Variants in SKA1 observed in about 807,000 individuals in gnomAD.
SKA1 encodes spindle and kinetochore associated complex subunit 1.
SKA1 carries 20 observed loss-of-function variants against 31.8 expected under a neutral mutation model. The observed-to-expected ratio is 0.63, with a 90% CI of 0.44 to 0.91. The LOEUF (loss-of-function observed/expected upper bound fraction) is 0.91, where lower values mean the gene tolerates loss of function less well. Ranked by LOEUF, SKA1 falls within the 40% of genes least tolerant of loss-of-function variation. The pLI, the probability that SKA1 is intolerant of heterozygous loss-of-function variation, is 0.00. For missense variants in SKA1, 253 were observed against 298.2 expected (o/e 0.85, Z 1.12); for synonymous variants, 88 against 100.5 (o/e 0.88, Z 0.74).
intron 3 of SKA1, 35 bp downstream of exon 3, chr18:50,380,285 A>G: frequency 6.6e-7 from 1 of 1,519,048 alleles, no homozygotes; most frequent in Non-Finnish European, 8.8e-7. Context: ...AGTAAAAAAG[A>G]CAATACATAC....
rs2041299213 is a variant in SKA1 at position 50,385,372 on chromosome 18, T to C, written c.449+19T>C. On this transcript the variant is annotated intron_variant, in intron 5 of 6. Transcript: ENST00000285116. ...TTCCTTCGTAAGTATTTAAGATAAA[T>C]AATGTTCAACCCCTTAATAAACATA... The C allele has an allele frequency of 6.4e-7, 1 of 1,558,224 alleles. No individual in the cohort carries two copies. The highest frequency in any genetic ancestry group is 8.7e-7 in the Non-Finnish European group (1 of 1,148,838).
chr18:50,381,839 C>G (rs573591543), intron 3 of SKA1, among the ~76,000 whole-genome samples: 45 of 151,988 alleles, frequency 3.0e-4, no homozygotes, highest in East Asian at 1.6e-3. Context: ...AGTTCTCCCC[C>G]CTCAGCCTCC....
In SKA1 at chr18:50,392,316, T is replaced by C; in HGVS notation, c.*69T>C. ...AGAGGCTATTTCTATAATTTTCTTA[T>C]ATATAATTTTTTTAACTTTTAATCT... On this transcript the variant is annotated 3_prime_UTR_variant, in exon 7 of 7. Coordinates refer to ENST00000285116, the MANE Select transcript of SKA1 (RefSeq NM_145060.4). 1 of 1,029,368 alleles carries C rather than the reference T, an allele frequency of 9.7e-7. No individual in the cohort carries two copies. Among genetic ancestry groups the C allele is most frequent in the Non-Finnish European group, 1.3e-6 (1 of 783,148 alleles). The allele number at this position is 1,029,368 out of a possible 1,614,324, so 63.8% of individuals were successfully genotyped here. A position where few individuals can be genotyped will look rare whatever the true frequency, so the allele number is the denominator to read the frequency against.
Position 50,391,145 on chromosome 18 carries a change from C to A in SKA1, c.471C>A (p.Thr157=). 1 of 1,560,668 alleles carries A rather than the reference C, an allele frequency of 6.4e-7. No homozygotes were observed. The highest frequency in any genetic ancestry group is 2.0e-5 in the Admixed American group (1 of 50,998). Reference sequence around the variant, plus strand: ...ACAGGTACATGAAATCCCGCTTAACCTATAATCAAATTAATGATGTTATTA... The same window carrying A: ...ACAGGTACATGAAATCCCGCTTAACATATAATCAAATTAATGATGTTATTA... ...GVPSYMKSRL[T]YNQINDVIKE... is the part of the protein sequence containing the mutation. Residue 157 remains threonine, a synonymous_variant, in exon 6 of 7, where the codon ACC becomes ACA. Coordinates refer to ENST00000285116, the MANE Select transcript of SKA1 (RefSeq NM_145060.4).
rs1218625011 is a variant in SKA1 at position 50,375,918 on chromosome 18, G to A, written c.88G>A (p.Gly30Ser). ...IKKTLSLRNC[G>S]QEPTLKTVLN... Reference sequence around the variant, plus strand: ...GAAAACCTTATCATTAAGAAACTGTGGTAAGTAAAACAGATTCCACTGACT... The same window carrying A: ...GAAAACCTTATCATTAAGAAACTGTAGTAAGTAAAACAGATTCCACTGACT... The change falls in exon 2 of 7, where the codon GGC becomes AGC. Residue 30 changes from glycine (G) to serine (S), a missense_variant and splice_region_variant. Gly to Ser is a moderately conservative substitution (Grantham distance 56, BLOSUM62 0). Coordinates refer to ENST00000285116, the MANE Select transcript of SKA1 (RefSeq NM_145060.4). 2 of 1,568,192 alleles carry A rather than the reference G, an allele frequency of 1.3e-6. No homozygotes were observed. The highest frequency in any genetic ancestry group is 1.7e-6 in the Non-Finnish European group (2 of 1,143,582).
At chr18:50,381,393 G>C (rs2041260813) in intron 3 of SKA1, among the ~76,000 whole-genome samples, 1 of 152,164 alleles carries the variant, frequency 6.6e-6, no homozygotes, top group South Asian at 2.1e-4. Flanking sequence ...TTGCCAGCTG[G>C]GTATATTACC....
Position 50,383,483 on chromosome 18 carries a change from G to A in SKA1, c.311+1257G>A, listed in dbSNP as rs72912033. ...CCTTGATATGACATCTAGTTCCAGC[G>A]ATTTAATGGCCTGCTATTTTCTCCT... On this transcript the variant is annotated intron_variant, in intron 4 of 6. Transcript: ENST00000285116. 2.8e-3 allele frequency among the ~76,000 whole-genome samples: 431 copies of A among 152,202 alleles called. 1 individual carries two copies. Among genetic ancestry groups the A allele is most frequent in the South Asian group, 8.3e-3 (40 of 4,816 alleles).
intron 1 of SKA1, 29 bp downstream of exon 1, chr18:50,375,223 C>G (rs2041204228): frequency 6.6e-6 from 1 of 152,554 alleles, no homozygotes; most frequent in African/African-American, 2.4e-5. Context: ...GGGACCCTGC[C>G]TTTGGAAGCG....
intron 5 of SKA1, among the ~76,000 whole-genome samples, chr18:50,385,583 G>A (rs550145923): frequency 2.6e-5 from 4 of 152,288 alleles, no homozygotes; most frequent in East Asian, 1.9e-4. Context: ...GTCCTCTGTT[G>A]GACCTTTTTG....
intron 4 of SKA1, among the ~76,000 whole-genome samples, chr18:50,384,903 AAAAG>A (rs2041294519): frequency 3.0e-5 from 4 of 132,548 alleles, no homozygotes; most frequent in Non-Finnish European, 6.0e-5. Flanking sequence ...AAAAAAAAAA[AAAAG>A]AGAAGCTATT....
At chr18:50,386,601 T>C (rs955510270) in intron 5 of SKA1, among the ~76,000 whole-genome samples, 6 of 152,238 alleles carry the variant, frequency 3.9e-5, no homozygotes, top group Admixed American at 2.6e-4. Flanking sequence ...TTAGGATTTA[T>C]TCTGTGTTGT....
rs778799252 is a variant in SKA1, at chr18:50,375,834, G to A, written c.4G>A (p.Ala2Thr). The change falls in exon 2 of 7, where the codon GCC becomes ACC. Residue 2 changes from alanine to threonine, a missense_variant. Transcript: ENST00000285116. ...TTTTTCTTCAGAGGCTTAAAGGATG[G>A]CCTCGTCAGATCTGGAACAATTATG... M[A>T]SSDLEQLCSH... 18 of 1,600,040 alleles carry A rather than the reference G, an allele frequency of 1.1e-5. No homozygotes were observed. The South Asian group carries it at 1.8e-4, about 16-fold the overall frequency.
intron 5 of SKA1, 76 bp from the exon 6 acceptor site, chr18:50,391,048 T>C: frequency 1.9e-6 from 2 of 1,072,764 alleles, no homozygotes; most frequent in African/African-American, 1.6e-5. Flanking sequence ...AAAGTCATCA[T>C]ACTTATGTTT....
rs1054128707 is a variant in SKA1 at position 50,392,442 on chromosome 18, C to T, written c.*195C>T. 1 of 332,622 alleles carries T rather than the reference C, an allele frequency of 3.0e-6. No individual in the cohort carries two copies. Among genetic ancestry groups the T allele is most frequent in the Non-Finnish European group, 5.2e-6 (1 of 191,688 alleles). 20.6% of individuals were successfully genotyped at this position (332,622 alleles called of 1,614,324 possible). Reference sequence around the variant, plus strand: ...AGAGTGCAGTGGCGCAAACATGGCTCACTGCAGCCTCAACCTCCCAGGCTC... The same window carrying T: ...AGAGTGCAGTGGCGCAAACATGGCTTACTGCAGCCTCAACCTCCCAGGCTC... On this transcript the variant is annotated 3_prime_UTR_variant, in exon 7 of 7. Transcript: ENST00000285116.
At position 50,391,226 on chromosome 18, in the gene SKA1, G is replaced by C. The variant is rs1185478531; in HGVS notation, c.552G>C (p.Lys184Asn). The C allele has an allele frequency of 6.2e-7, 1 of 1,605,786 alleles. No homozygotes were observed. The highest frequency in any genetic ancestry group is 1.3e-5 in the African/African-American group (1 of 74,508). The change falls in exon 6 of 7, where the codon AAG (lysine) becomes AAC (asparagine). Residue 184 changes from lysine to asparagine, a missense_variant. By Grantham distance (94) the Lys-to-Asn change is moderately conservative. Coordinates refer to ENST00000285116, the MANE Select transcript of SKA1 (RefSeq NM_145060.4). ...SKYKILHQPK[K>N]SMNSVTRNLY... Reference sequence around the variant, plus strand: ...ATAAAATCCTACATCAGCCAAAAAAGTCTATGAATTCTGTGACCAGAAATC... The same window carrying C: ...ATAAAATCCTACATCAGCCAAAAAACTCTATGAATTCTGTGACCAGAAATC...
Position 50,375,867 on chromosome 18 carries a change from G to A in SKA1, c.37G>A (p.Val13Ile). 2 of 1,611,696 alleles carry A rather than the reference G, an allele frequency of 1.2e-6. No homozygotes were observed. The highest frequency in any genetic ancestry group is 1.7e-6 in the Non-Finnish European group (2 of 1,179,058). Reference protein sequence around the residue: ...SSDLEQLCSHVNEKIGNIKKT... With the variant: ...SSDLEQLCSHINEKIGNIKKT... Reference sequence around the variant, plus strand: ...AGATCTGGAACAATTATGCTCTCATGTTAATGAAAAGATTGGCAATATTAA... The same window carrying A: ...AGATCTGGAACAATTATGCTCTCATATTAATGAAAAGATTGGCAATATTAA... Residue 13 changes from valine (V) to isoleucine (I), a missense_variant, in exon 2 of 7, where the codon GTT (valine) becomes ATT (isoleucine). Val to Ile is a conservative substitution (Grantham distance 29). Transcript: ENST00000285116.
intron 2 of SKA1, among the ~76,000 whole-genome samples, chr18:50,379,008 T>C (rs1361478668): frequency 6.6e-6 from 1 of 152,202 alleles, no homozygotes; most frequent in Non-Finnish European, 1.5e-5. Context: ...AGGTAGGTAC[T>C]TGGTGTCTCT....
At chr18:50,381,886 C>T (rs1290379899) in intron 3 of SKA1, among the ~76,000 whole-genome samples, 11 of 152,004 alleles carry the variant, frequency 7.2e-5, no homozygotes, top group Middle Eastern at 3.2e-3. Flanking sequence ...CCACCACGCC[C>T]GGCTAAATTT....
Position 50,380,209 on chromosome 18 carries a change from T to C in SKA1, c.172T>C (p.Leu58=), listed in dbSNP as rs779004202. 1 of 1,551,114 alleles carries C rather than the reference T, an allele frequency of 6.4e-7. No homozygotes were observed. The highest frequency in any genetic ancestry group is 1.4e-5 in the African/African-American group (1 of 70,238). Residue 58 remains leucine (L), a synonymous_variant, in exon 3 of 7, where the codon TTG becomes CTG. Transcript: ENST00000285116. ...AAATGAACTTCTAAATAAATTGGAATTGGAAATTCAGTATCAAGAACAAAC... is the reference window on the plus strand; with the variant it reads ...AAATGAACTTCTAAATAAATTGGAACTGGAAATTCAGTATCAAGAACAAAC... ...VINELLNKLE[L]EIQYQEQTNN...
Sources: gnomAD v4.1 joint callset for allele counts (sites outside exome capture counted in the v4.1 genomes callset) on GRCh38, gnomAD v4.1.1 for gene constraint, MANE v1.5 for transcripts, NCBI Gene and HGNC (gene_info 2026-07-23, HGNC 2026-07-21) for gene names.